The following TJP1 variants were observed in gnomAD, a reference collection of about 807,000 sequenced individuals.
The protein encoded by TJP1 is tight junction protein ZO-1.
TJP1 carries 43 observed loss-of-function variants against 194.2 expected under a neutral mutation model. The observed-to-expected ratio is 0.22, with a 90% CI of 0.17 to 0.29. The LOEUF is 0.29. Among genes scored for constraint, TJP1 ranks in the 10% least tolerant of loss-of-function variants. The probability of loss-of-function intolerance (pLI) is 1.00; values close to 1 mark genes in which losing one functional copy is unlikely to be tolerated. For synonymous variants in TJP1, 801 were observed against 779.0 expected (o/e 1.03, Z -0.47); for missense variants, 1,971 against 2,185.7 (o/e 0.90, Z 1.96).
chr15:29,714,304 T>C (rs1370464221), intron 23 of TJP1, among the ~76,000 whole-genome samples: 1 of 152,084 alleles, frequency 6.6e-6, no homozygotes, highest in East Asian at 1.9e-4. Context: ...AGTGGCGCGA[T>C]CTCGGCTCAT....
chr15:29,870,673 CATA>C (rs1231273818), intron 2 of TJP1, among the ~76,000 whole-genome samples: 1 of 152,176 alleles, frequency 6.6e-6, no homozygotes, highest in Non-Finnish European at 1.5e-5. Context: ...CCAGATTTTA[CATA>C]ATGTGCCCTT....
intron 26 of TJP1, among the ~76,000 whole-genome samples, chr15:29,704,932 G>A (rs552928986): frequency 6.6e-6 from 1 of 152,156 alleles, no homozygotes; most frequent in Non-Finnish European, 1.5e-5. Context: ...AATTTGTTTA[G>A]GAAGTAAAAG....
intron 2 of TJP1, among the ~76,000 whole-genome samples, chr15:29,847,744 T>C (rs1345363547): frequency 6.6e-6 from 1 of 152,012 alleles, no homozygotes; most frequent in Non-Finnish European, 1.5e-5. Flanking sequence ...GAGATCGCGC[T>C]ACTGCACTCC....
intron 8 of TJP1, among the ~76,000 whole-genome samples, chr15:29,756,569 T>G (rs188661932): frequency 1.3e-5 from 2 of 152,294 alleles, no homozygotes; most frequent in East Asian, 1.9e-4. Context: ...GTGAGGATAC[T>G]TTGTTCATCT....
intron 25 of TJP1, 86 bp from the exon 26 acceptor site, chr15:29,705,831 C>G: frequency 8.7e-7 from 1 of 1,147,170 alleles, no homozygotes; most frequent in Non-Finnish European, 1.3e-6. Context: ...CGTGCTTTCA[C>G]TTTTATTTCT....
At chr15:29,734,441 C>G in intron 11 of TJP1, 59 bp from the exon 12 acceptor site, 1 of 1,252,872 alleles carries the variant, frequency 8.0e-7, no homozygotes, top group African/African-American at 1.5e-5. Context: ...AAATAACATA[C>G]GCAGGACACA....
intron 2 of TJP1, among the ~76,000 whole-genome samples, chr15:29,850,444 C>T (rs1054905309): frequency 6.6e-6 from 1 of 152,096 alleles, no homozygotes; most frequent in Non-Finnish European, 1.5e-5. Context: ...TTAAGCAATT[C>T]TCCTGCCTCA....
At chr15:29,916,957 C>G (rs561236744) in intron 2 of TJP1, among the ~76,000 whole-genome samples, 2 of 152,192 alleles carry the variant, frequency 1.3e-5, no homozygotes, top group Non-Finnish European at 2.9e-5. Context: ...TGCACATACG[C>G]ACACAGAACC....
At chr15:29,732,943 T>A in intron 13 of TJP1, 128 bp from the exon 14 acceptor site, 2 of 1,247,732 alleles carry the variant, frequency 1.6e-6, no homozygotes, top group East Asian at 2.5e-5. Context: ...ATGGTTATAA[T>A]AAAGAGGAGT....
chr15:29,704,949 T>C (rs910791003), intron 26 of TJP1, among the ~76,000 whole-genome samples: 4 of 152,172 alleles, frequency 2.6e-5, no homozygotes, highest in African/African-American at 9.7e-5. Flanking sequence ...AAAGCACTGC[T>C]AAAAGATGCT....
intron 2 of TJP1, among the ~76,000 whole-genome samples, chr15:29,897,937 C>T (rs2053527118): frequency 6.6e-6 from 1 of 152,158 alleles, no homozygotes; most frequent in Non-Finnish European, 1.5e-5. Context: ...AAGAGTCTTG[C>T]TTTGTCTCAG....
At chr15:29,900,782 G>A (rs1254530126) in intron 2 of TJP1, among the ~76,000 whole-genome samples, 1 of 152,208 alleles carries the variant, frequency 6.6e-6, no homozygotes, top group Non-Finnish European at 1.5e-5. Flanking sequence ...TCTACTTTGT[G>A]CTTTGCCCTG....
At chr15:29,867,660 C>A (rs1454295102) in intron 2 of TJP1, among the ~76,000 whole-genome samples, 1 of 152,140 alleles carries the variant, frequency 6.6e-6, no homozygotes, top group African/African-American at 2.4e-5. Context: ...GTAATCCCAG[C>A]ACTCTGGGAG....
intron 2 of TJP1, among the ~76,000 whole-genome samples, chr15:29,949,552 A>ACC (rs1567225362): frequency 7.5e-5 from 1 of 13,296 alleles, no homozygotes; most frequent in Non-Finnish European, 1.4e-4. Flanking sequence ...CCACCTCCAC[A>ACC]ACCACCACCT....
intron 19 of TJP1, 54 bp from the exon 20 acceptor site, chr15:29,720,070 T>C: frequency 6.5e-7 from 1 of 1,533,432 alleles, no homozygotes; most frequent in Non-Finnish European, 8.7e-7. Context: ...CTGCTAACTT[T>C]CCACTTCAAT....
intron 8 of TJP1, among the ~76,000 whole-genome samples, chr15:29,749,316 A>G (rs879782508): frequency 2.6e-5 from 4 of 152,222 alleles, no homozygotes; most frequent in Non-Finnish European, 5.9e-5. Context: ...CTCACTGTTA[A>G]GCAGAGCCTA....
chr15:29,704,313 T>C lies in TJP1; in HGVS notation c.5069-8A>G, dbSNP rs371086865. On this transcript the variant is annotated splice_region_variant and splice_polypyrimidine_tract_variant and intron_variant, in intron 26 of 27. Coordinates refer to ENST00000614355, the MANE Select transcript of TJP1 (RefSeq NM_001330239.4). ...GACTCAGCAGTGTTTCACCTGGAGT[T>C]GGAAAAGGGGATAGGCAGAGAGGAT... is the stretch of plus-strand genomic sequence containing the variant. 25 of 1,585,822 alleles carry C rather than the reference T, an allele frequency of 1.6e-5. No homozygotes were observed. The African/African-American group carries it at 3.2e-4, about 20-fold the overall frequency.
Position 29,822,435 on chromosome 15 carries a change from C to T in TJP1, c.-407G>A. The T allele has an allele frequency of 1.0e-5, 10 of 988,580 alleles. No homozygotes were observed. Among genetic ancestry groups the T allele is most frequent in the Non-Finnish European group, 1.2e-5 (10 of 832,164 alleles). 61.2% of individuals were successfully genotyped at this position (988,580 alleles called of 1,614,324 possible). ...CGGCCGCCAAGGAACGCGGCGTCCGCTGGCTCAGCCGGCGCCGGCAACTCA... is the reference window on the plus strand; with the variant it reads ...CGGCCGCCAAGGAACGCGGCGTCCGTTGGCTCAGCCGGCGCCGGCAACTCA... On this transcript the variant is annotated 5_prime_UTR_variant, in exon 1 of 28. Transcript: ENST00000614355.
At chr15:29,706,539 A>C (rs1343926468) in intron 25 of TJP1, among the ~76,000 whole-genome samples, 1 of 152,204 alleles carries the variant, frequency 6.6e-6, no homozygotes, top group Non-Finnish European at 1.5e-5. Context: ...ACACTTCAGA[A>C]CCCAAGAAGT....
Sources: gnomAD v4.1 joint callset for allele counts (sites outside exome capture counted in the v4.1 genomes callset) on GRCh38, gnomAD v4.1.1 for gene constraint, MANE v1.5 for transcripts, NCBI Gene and HGNC (gene_info 2026-07-23, HGNC 2026-07-21) for gene names.